The following SYN2 variants were observed in gnomAD, a reference collection of about 807,000 sequenced individuals.
SYN2 encodes synapsin-2.
Under a neutral mutation model 50.9 loss-of-function variants are expected in SYN2, and 19 were observed. The observed-to-expected ratio is 0.37, with a 90% CI of 0.26 to 0.55. The LOEUF (loss-of-function observed/expected upper bound fraction) is 0.55, where lower values mean the gene tolerates loss of function less well. SYN2 is among the 20% of genes least tolerant of loss of function. The pLI is 0.81. For synonymous variants in SYN2, 255 were observed against 224.9 expected, an observed-to-expected ratio of 1.13 and a Z score of -1.20; for missense variants, 587 against 576.4, an observed-to-expected ratio of 1.02 and a Z score of -0.19.
intron 1 of SYN2, among the ~76,000 whole-genome samples, chr3:12,066,452 G>A (rs1262234106): frequency 6.6e-6 from 1 of 152,164 alleles, no homozygotes; most frequent in East Asian, 1.9e-4. Flanking sequence ...AAGACTCAAG[G>A]TTGGGGGGAG....
At chr3:12,050,456 C>A (rs557083996) in intron 1 of SYN2, among the ~76,000 whole-genome samples, 80 of 148,470 alleles carry the variant, frequency 5.4e-4, no homozygotes, top group African/African-American at 1.9e-3. Flanking sequence ...AGTGATTCTT[C>A]TGCCTCCGCC....
rs769154636 is a variant in SYN2 at position 12,142,014 on chromosome 3, C to T, written c.527+18C>T. On this transcript the variant is annotated intron_variant, in intron 3 of 12. Coordinates refer to ENST00000621198, the MANE Select transcript of SYN2 (RefSeq NM_133625.6). ...GTTGTCCGGTAAGGGTCTTTCTGTC[C>T]TCAGGATCATTGTGACTGTCTCCAG... The T allele has an allele frequency of 6.4e-6, 5 of 780,542 alleles. No homozygotes were observed. Among genetic ancestry groups the T allele is most frequent in the Non-Finnish European group, 1.2e-5 (5 of 417,882 alleles). 48.4% of individuals were successfully genotyped at this position (780,542 alleles called of 1,614,324 possible).
rs961337184 is a variant in SYN2, at chr3:12,077,543, T to C, written c.378-63108T>C. Among the ~76,000 whole-genome samples, 4 of 152,174 alleles carry C rather than the reference T, an allele frequency of 2.6e-5. No individual in the cohort carries two copies. In the South Asian group the frequency reaches 6.2e-4, roughly 24 times the overall value. Reference sequence around the variant, plus strand: ...TGTCCATATGTTCTCATTGTTCAGCTTCTACTTACAAGTGAGAATATGCGG... The same window carrying C: ...TGTCCATATGTTCTCATTGTTCAGCCTCTACTTACAAGTGAGAATATGCGG... On this transcript the variant is annotated intron_variant, in intron 1 of 12. Coordinates refer to ENST00000621198, the MANE Select transcript of SYN2 (RefSeq NM_133625.6).
intron 1 of SYN2, among the ~76,000 whole-genome samples, chr3:12,117,848 A>G (rs545776245): frequency 1.3e-5 from 2 of 152,328 alleles, no homozygotes; most frequent in South Asian, 4.1e-4. Context: ...ATTTGGAAAC[A>G]GATTCCCATA....
chr3:12,048,868 G>A (rs1694797085), intron 1 of SYN2, among the ~76,000 whole-genome samples: 1 of 152,166 alleles, frequency 6.6e-6, no homozygotes, highest in South Asian at 2.1e-4. Context: ...CACTGTACTG[G>A]AATTGCAGCA....
chr3:12,158,951 C>T (rs990513270), intron 5 of SYN2: 4 of 1,396,864 alleles, frequency 2.9e-6, no homozygotes, highest in Non-Finnish European at 1.9e-6. Context: ...TGAGGTGGCC[C>T]TAAGGGCCAA....
chr3:12,102,672 A>T (rs1035842918), intron 1 of SYN2, among the ~76,000 whole-genome samples: 1 of 152,282 alleles, frequency 6.6e-6, no homozygotes, highest in South Asian at 2.1e-4. Flanking sequence ...GAATAATGTG[A>T]TATAATCAGG....
intron 1 of SYN2, among the ~76,000 whole-genome samples, chr3:12,008,171 A>T (rs1693837795): frequency 6.6e-6 from 1 of 152,160 alleles, no homozygotes; most frequent in South Asian, 2.1e-4. Context: ...TTTCTCTCAG[A>T]TTCTGTCCTG....
At chr3:12,022,477 G>A (rs1451193989) in intron 1 of SYN2, among the ~76,000 whole-genome samples, 4 of 151,926 alleles carry the variant, frequency 2.6e-5, no homozygotes, top group Non-Finnish European at 4.4e-5. Context: ...GCGCGATCTC[G>A]GCTCACTGCA....
At chr3:12,140,980 T>C (rs1697006053) in intron 2 of SYN2, among the ~76,000 whole-genome samples, 1 of 152,182 alleles carries the variant, frequency 6.6e-6, no homozygotes, top group Non-Finnish European at 1.5e-5. Flanking sequence ...CCTCTTGCAG[T>C]GTAAGGTTCC....
chr3:12,080,024 G>T (rs1695552630), intron 1 of SYN2, among the ~76,000 whole-genome samples: 1 of 152,084 alleles, frequency 6.6e-6, no homozygotes, highest in African/African-American at 2.4e-5. Flanking sequence ...TCCTGGTTCA[G>T]TCTTGGGATG....
intron 1 of SYN2, among the ~76,000 whole-genome samples, chr3:12,112,779 C>A (rs1696351457): frequency 6.6e-6 from 1 of 152,074 alleles, no homozygotes; most frequent in Admixed American, 6.6e-5. Flanking sequence ...TTATACTATA[C>A]CACAGCTGCT....
intron 1 of SYN2, among the ~76,000 whole-genome samples, chr3:12,112,033 C>G (rs1165009492): frequency 6.6e-6 from 1 of 152,048 alleles, no homozygotes; most frequent in African/African-American, 2.4e-5. Context: ...AGGTGAGACC[C>G]CTGGGTGAAT....
intron 1 of SYN2, among the ~76,000 whole-genome samples, chr3:12,056,832 T>A (rs1294196279): frequency 6.6e-6 from 1 of 152,196 alleles, no homozygotes; most frequent in Non-Finnish European, 1.5e-5. Flanking sequence ...TATCTAGCCT[T>A]CAGTTAGTCA....
intron 4 of SYN2, 31 bp from the exon 5 acceptor site, chr3:12,151,205 GA>G: frequency 6.7e-7 from 1 of 1,491,172 alleles, no homozygotes; most frequent in South Asian, 1.2e-5. Context: ...AGTTATCTAA[GA>G]TAAGCTGTAA....
rs189826109 is a variant in SYN2, at chr3:12,068,303, G to C, written c.377+63375G>C. Among the ~76,000 whole-genome samples, 231 of 152,224 alleles carry C rather than the reference G, an allele frequency of 1.5e-3. 2 individuals are homozygous for C. Among genetic ancestry groups the C allele is most frequent in the Non-Finnish European group, 2.4e-3 (162 of 68,008 alleles). ...GTCATTTTTCCTTAGAATGTTGAAGGCATTGCTCAGTTATCTTCCAGCTTC... is the reference window on the plus strand; with the variant it reads ...GTCATTTTTCCTTAGAATGTTGAAGCCATTGCTCAGTTATCTTCCAGCTTC... On this transcript the variant is annotated intron_variant, in intron 1 of 12. Coordinates refer to ENST00000621198, the MANE Select transcript of SYN2 (RefSeq NM_133625.6).
intron 1 of SYN2, among the ~76,000 whole-genome samples, chr3:12,071,839 C>T (rs1470735902): frequency 6.6e-6 from 1 of 152,178 alleles, no homozygotes; most frequent in East Asian, 1.9e-4. Context: ...AGCCATAGGA[C>T]CCAGTTTCCT....
chr3:12,168,242 G>C, intron 8 of SYN2, 134 bp from the exon 9 acceptor site: 1 of 703,878 alleles, frequency 1.4e-6, no homozygotes, highest in Non-Finnish European at 2.5e-6. Context: ...GTATGTGCTT[G>C]ATACGGGTAG....
At chr3:12,036,979 T>C (rs771429705) in intron 1 of SYN2, among the ~76,000 whole-genome samples, 50 of 152,204 alleles carry the variant, frequency 3.3e-4, no homozygotes, top group Non-Finnish European at 6.6e-4. Context: ...TTATCACTGT[T>C]AAGTTCTGCA....
Sources: allele counts gnomAD v4.1 joint callset (sites outside exome capture counted in the v4.1 genomes callset), GRCh38; gene constraint gnomAD v4.1.1; transcripts MANE v1.5; gene names NCBI Gene and HGNC (gene_info 2026-07-23, HGNC 2026-07-21).